RANBP17: variants seen among roughly 807,000 people sequenced by gnomAD.
RANBP17 encodes the protein ran-binding protein 17.
In RANBP17, 158 loss-of-function variants were observed where a neutral mutation model predicts 141.2. The ratio of observed to expected loss-of-function variants is 1.12; its 90% CI spans 0.98 to 1.28. The LOEUF is 1.28. Ranked by LOEUF, RANBP17 falls within the 50% of genes most tolerant of loss-of-function variation. RANBP17 has a pLI of 0.00. For missense variants in RANBP17, 1,438 were observed against 1,290.7 expected (o/e 1.11, Z -1.75); for synonymous variants, 430 against 450.0 (o/e 0.96, Z 0.56).
At chr5:171,159,942 GAAAA>G (rs1313192153) in intron 14 of RANBP17, among the ~76,000 whole-genome samples, 2 of 124,844 alleles carry the variant, frequency 1.6e-5, no homozygotes, top group African/African-American at 3.0e-5. Flanking sequence ...AAAAAAAAAA[GAAAA>G]AAGAAGAAAA....
intron 13 of RANBP17, among the ~76,000 whole-genome samples, chr5:170,961,397 A>G (rs1776141044): frequency 6.6e-6 from 1 of 152,250 alleles, no homozygotes; most frequent in Non-Finnish European, 1.5e-5. Context: ...TACTTGGATC[A>G]AAAATTATTT....
intron 16 of RANBP17, among the ~76,000 whole-genome samples, chr5:171,177,954 G>C (rs1290280758): frequency 4.0e-5 from 6 of 150,952 alleles, no homozygotes; most frequent in Admixed American, 4.0e-4. Flanking sequence ...CCTGTTCCTT[G>C]TAAATAATTA....
At chr5:171,200,850 C>T (rs1428458656) in intron 19 of RANBP17, among the ~76,000 whole-genome samples, 1 of 152,122 alleles carries the variant, frequency 6.6e-6, no homozygotes, top group Non-Finnish European at 1.5e-5. Flanking sequence ...TATCAGCATG[C>T]TATAGTTATA....
intron 14 of RANBP17, among the ~76,000 whole-genome samples, chr5:171,090,166 A>G (rs927867766): frequency 6.6e-6 from 1 of 152,158 alleles, no homozygotes; most frequent in Non-Finnish European, 1.5e-5. Context: ...AACTCCCTAG[A>G]GACTTGTTGA....
chr5:171,174,473 A>C (rs1047586625), intron 16 of RANBP17, among the ~76,000 whole-genome samples: 3 of 152,212 alleles, frequency 2.0e-5, no homozygotes, highest in African/African-American at 7.2e-5. Context: ...ATACAGAGCA[A>C]TCAAGTAAAC....
chr5:171,045,356 C>G (rs1782515243), intron 14 of RANBP17, among the ~76,000 whole-genome samples: 1 of 151,958 alleles, frequency 6.6e-6, no homozygotes, highest in Admixed American at 6.6e-5. Context: ...AGAAGATAAG[C>G]CAGTGACTCA....
At chr5:171,147,876 C>T (rs1313511926) in intron 14 of RANBP17, among the ~76,000 whole-genome samples, 1 of 152,196 alleles carries the variant, frequency 6.6e-6, no homozygotes, top group African/African-American at 2.4e-5. Flanking sequence ...GCCACCACCC[C>T]GTCTGGGAGG....
chr5:170,954,544 A>ACACACC (rs1382220178), intron 13 of RANBP17, among the ~76,000 whole-genome samples: 31 of 125,368 alleles, frequency 2.5e-4, no homozygotes, highest in African/African-American at 4.3e-4. Context: ...ACACACACAC[A>ACACACC]CCCCAACCCC....
chr5:171,255,254 TG>T lies in RANBP17; in HGVS notation c.2777-10426del, dbSNP rs569670749. On this transcript the variant is annotated intron_variant, in intron 24 of 27. Transcript: ENST00000523189. ...TGTATTTTGAGGGCTTAAATCAAAT[TG>T]TCTTGAAATTAAAGCTGTATTTCTG... Among the ~76,000 whole-genome samples, 591 of 152,286 alleles carry T rather than the reference TG, an allele frequency of 3.9e-3. 1 individual carries two copies. The highest frequency in any genetic ancestry group is 5.5e-3 in the Non-Finnish European group (377 of 68,010).
intron 14 of RANBP17, among the ~76,000 whole-genome samples, chr5:171,007,315 G>C (rs768660999): frequency 2.6e-5 from 4 of 152,012 alleles, no homozygotes; most frequent in Non-Finnish European, 4.4e-5. Flanking sequence ...GTCGGGCAGT[G>C]GGGGAGAGCT....
At chr5:171,018,420 T>C (rs1780605375) in intron 14 of RANBP17, among the ~76,000 whole-genome samples, 1 of 152,216 alleles carries the variant, frequency 6.6e-6, no homozygotes, top group Non-Finnish European at 1.5e-5. Context: ...GTTTGTGTCC[T>C]TTCTTATTTC....
At chr5:171,163,671 C>T (rs1019493937) in intron 14 of RANBP17, among the ~76,000 whole-genome samples, 3 of 152,026 alleles carry the variant, frequency 2.0e-5, no homozygotes, top group Non-Finnish European at 1.5e-5. Context: ...TTTGTTTTAC[C>T]AATTTAGAAC....
In RANBP17 at chr5:171,063,613, C is replaced by T. The variant is rs145206901; in HGVS notation, c.1710+95236C>T. ...GTTAGGCTGCTCGGGGGTCAGGGGT[C>T]AGGGACCGACTTGAGGAGGCAGTCT... On this transcript the variant is annotated intron_variant, in intron 14 of 27. Transcript: ENST00000523189. Among the ~76,000 whole-genome samples, 1,478 of 152,336 alleles carry T rather than the reference C, an allele frequency of 9.7e-3. 18 individuals are homozygous for T. The highest frequency in any genetic ancestry group is 0.014 in the Non-Finnish European group (927 of 68,034).
intron 14 of RANBP17, among the ~76,000 whole-genome samples, chr5:171,135,237 G>A (rs576990463): frequency 7.5e-5 from 11 of 145,992 alleles, no homozygotes; most frequent in Non-Finnish European, 1.3e-4. Flanking sequence ...CTGAGATCAA[G>A]CCACTGCACT....
chr5:171,279,496 A>G (rs1196299448), intron 25 of RANBP17, among the ~76,000 whole-genome samples: 1 of 152,192 alleles, frequency 6.6e-6, no homozygotes, highest in Non-Finnish European at 1.5e-5. Flanking sequence ...AACCAATCCC[A>G]GAATAATGGC....
At chr5:171,276,803 A>G (rs1015512262) in intron 25 of RANBP17, among the ~76,000 whole-genome samples, 2 of 151,904 alleles carry the variant, frequency 1.3e-5, no homozygotes, top group Non-Finnish European at 2.9e-5. Flanking sequence ...TATAACAGTC[A>G]CTCACAAGTA....
At chr5:171,249,812 A>G (rs1288918307) in intron 24 of RANBP17, among the ~76,000 whole-genome samples, 2 of 152,344 alleles carry the variant, frequency 1.3e-5, no homozygotes, top group East Asian at 1.9e-4. Context: ...ATCCATGAGA[A>G]CAGAGACAAA....
chr5:171,107,722 T>C (rs1352609636), intron 14 of RANBP17, among the ~76,000 whole-genome samples: 4 of 152,200 alleles, frequency 2.6e-5, no homozygotes, highest in Non-Finnish European at 5.9e-5. Flanking sequence ...TTTATTAGAA[T>C]GAAAAGGGAA....
At chr5:171,072,323 G>A (rs1249946110) in intron 14 of RANBP17, among the ~76,000 whole-genome samples, 2 of 151,984 alleles carry the variant, frequency 1.3e-5, no homozygotes, top group Non-Finnish European at 2.9e-5. Context: ...CCAGGGAGAT[G>A]TCTGACAAAT....
Sources: allele counts gnomAD v4.1 joint callset (sites outside exome capture counted in the v4.1 genomes callset), GRCh38; gene constraint gnomAD v4.1.1; transcripts MANE v1.5; gene names NCBI Gene and HGNC (gene_info 2026-07-23, HGNC 2026-07-21).